The following RASA1 variants were observed in gnomAD, a reference collection of about 807,000 sequenced individuals.
RASA1 encodes the protein ras GTPase-activating protein 1.
RASA1 carries 25 observed loss-of-function variants against 132.2 expected under a neutral mutation model. The ratio of observed to expected loss-of-function variants is 0.19; its 90% CI spans 0.14 to 0.26. The LOEUF is 0.26. Among genes scored for constraint, RASA1 ranks in the 10% least tolerant of loss-of-function variants. The pLI is 1.00. For synonymous variants in RASA1, 477 were observed against 449.9 expected (o/e 1.06, Z -0.76); for missense variants, 964 against 1,299.2 (o/e 0.74, Z 3.97).
intron 1 of RASA1, among the ~76,000 whole-genome samples, chr5:87,287,311 C>CAT (rs1198310306): frequency 7.0e-6 from 1 of 143,734 alleles, no homozygotes; most frequent in Non-Finnish European, 1.5e-5. Flanking sequence ...ATATACACAC[C>CAT]ATATATATAC....
intron 11 of RASA1, among the ~76,000 whole-genome samples, chr5:87,368,159 T>C (rs1230261767): frequency 6.6e-6 from 1 of 152,142 alleles, no homozygotes; most frequent in Non-Finnish European, 1.5e-5. Flanking sequence ...CTATTTCCCA[T>C]GCTGTTTTCT....
intron 9 of RASA1, among the ~76,000 whole-genome samples, chr5:87,360,937 T>G (rs905422611): frequency 6.6e-6 from 1 of 152,244 alleles, no homozygotes; most frequent in African/African-American, 2.4e-5. Flanking sequence ...ATTTTAAGTA[T>G]GTTCAATCAA....
chr5:87,369,474 T>C (rs574488517), intron 11 of RASA1, among the ~76,000 whole-genome samples: 2 of 152,292 alleles, frequency 1.3e-5, no homozygotes, highest in Admixed American at 6.5e-5. Context: ...TTCTAGTCTT[T>C]TTCCAGTGCA....
chr5:87,295,786 A>G (rs1473650581), intron 1 of RASA1, among the ~76,000 whole-genome samples: 2 of 151,292 alleles, frequency 1.3e-5, no homozygotes, highest in Admixed American at 1.3e-4. Flanking sequence ...TGCTGGGATT[A>G]TAGGCATGAG....
At chr5:87,384,923 T>C (rs1212035881) in intron 21 of RASA1, among the ~76,000 whole-genome samples, 1 of 152,096 alleles carries the variant, frequency 6.6e-6, no homozygotes, top group Non-Finnish European at 1.5e-5. Context: ...ATTGCTAACC[T>C]GAGTAGGTTG....
At chr5:87,382,111 C>G (rs1423193603) in intron 20 of RASA1, among the ~76,000 whole-genome samples, 1 of 152,120 alleles carries the variant, frequency 6.6e-6, no homozygotes. Flanking sequence ...CACCACCATA[C>G]CTGGCTATTT....
intron 1 of RASA1, 105 bp downstream of exon 1, chr5:87,269,095 GAA>G: frequency 6.2e-7 from 1 of 1,613,802 alleles, no homozygotes; most frequent in Non-Finnish European, 8.5e-7. Flanking sequence ...GGTTTGTTAG[GAA>G]AAGTTTTTGA....
At chr5:87,333,391 G>C in intron 4 of RASA1, 54 bp downstream of exon 4, 1 of 1,601,966 alleles carries the variant, frequency 6.2e-7, no homozygotes, top group Non-Finnish European at 8.5e-7. Context: ...AGACTTCGAA[G>C]ATTTATTACT....
intron 7 of RASA1, among the ~76,000 whole-genome samples, chr5:87,347,236 A>G (rs759457254): frequency 2.0e-5 from 3 of 152,008 alleles, no homozygotes; most frequent in Non-Finnish European, 4.4e-5. Flanking sequence ...GCTACAGCAG[A>G]CATTCTTGTA....
rs1291701571 is a variant in RASA1, at chr5:87,358,465, A to C, written c.1333-4086A>C. ...AATTCTTCTCTTTTTTTCTTCCTGT[A>C]CTTTATATCTAACCTGTCAGGAAGA... On this transcript the variant is annotated intron_variant, in intron 9 of 24. Transcript: ENST00000274376. 1.3e-5 allele frequency among the ~76,000 whole-genome samples: 2 copies of C among 151,978 alleles called. 1 individual carries two copies. Among genetic ancestry groups the C allele is most frequent in the East Asian group, 3.9e-4 (2 of 5,172 alleles).
intron 1 of RASA1, among the ~76,000 whole-genome samples, chr5:87,295,412 G>A (rs1301508125): frequency 1.3e-5 from 2 of 151,086 alleles, no homozygotes; most frequent in African/African-American, 4.9e-5. Context: ...GTAACTTTTT[G>A]TTATGCACTT....
intron 20 of RASA1, among the ~76,000 whole-genome samples, chr5:87,383,174 T>G (rs893621721): frequency 6.6e-6 from 1 of 152,130 alleles, no homozygotes; most frequent in Non-Finnish European, 1.5e-5. Flanking sequence ...ATAAGTCACT[T>G]TTTCTCTAGT....
intron 4 of RASA1, among the ~76,000 whole-genome samples, chr5:87,334,742 A>T (rs1352912289): frequency 6.6e-6 from 1 of 152,220 alleles, no homozygotes; most frequent in African/African-American, 2.4e-5. Context: ...ATGAGGGAGT[A>T]AAAAATATTT....
At chr5:87,375,017 T>C (rs565613242) in intron 15 of RASA1, 101 bp downstream of exon 15, 1 of 1,402,808 alleles carries the variant, frequency 7.1e-7, no homozygotes, top group South Asian at 1.3e-5. Flanking sequence ...AAAACAGAAA[T>C]GCAAGTAGTA....
At chr5:87,274,967 G>A (rs560603327) in intron 1 of RASA1, among the ~76,000 whole-genome samples, 35 of 152,182 alleles carry the variant, frequency 2.3e-4, no homozygotes, top group Non-Finnish European at 4.4e-4. Context: ...AGTGACTGAG[G>A]TACAGAGCAC....
At chr5:87,376,130 C>T (rs1160693967) in intron 15 of RASA1, 1 of 496,716 alleles carries the variant, frequency 2.0e-6, no homozygotes, top group Non-Finnish European at 3.6e-6. Context: ...TAATTGATTT[C>T]TTGCCTTCTT....
At position 87,302,898 on chromosome 5, in the gene RASA1, C is replaced by T. The variant is rs564273137; in HGVS notation, c.540-28450C>T. 1.5e-3 allele frequency among the ~76,000 whole-genome samples: 227 copies of T among 152,102 alleles called. 2 individuals carry two copies. The highest frequency in any genetic ancestry group is 2.7e-3 in the Non-Finnish European group (182 of 67,964). Reference sequence around the variant, plus strand: ...GTCATGTTTAAGAAATCTTTGCATGCTCGAAGGAGATGAACGTATTTGCCT... The same window carrying T: ...GTCATGTTTAAGAAATCTTTGCATGTTCGAAGGAGATGAACGTATTTGCCT... On this transcript the variant is annotated intron_variant, in intron 1 of 24. Coordinates refer to ENST00000274376, the MANE Select transcript of RASA1 (RefSeq NM_002890.3).
chr5:87,356,545 G>A (rs1396445311), intron 9 of RASA1, among the ~76,000 whole-genome samples: 2 of 151,954 alleles, frequency 1.3e-5, no homozygotes, highest in East Asian at 3.9e-4. Context: ...GTACACCACC[G>A]TGCCTAGCTA....
intron 20 of RASA1, among the ~76,000 whole-genome samples, chr5:87,382,796 T>C (rs1761810240): frequency 6.6e-6 from 1 of 152,124 alleles, no homozygotes; most frequent in Non-Finnish European, 1.5e-5. Context: ...TCTTAAAAGT[T>C]TTTCAGGCTG....
Sources: gnomAD v4.1 joint callset for allele counts (sites outside exome capture counted in the v4.1 genomes callset) on GRCh38, gnomAD v4.1.1 for gene constraint, MANE v1.5 for transcripts, NCBI Gene and HGNC (gene_info 2026-07-23, HGNC 2026-07-21) for gene names.